TNS1: variants seen among roughly 807,000 people sequenced by gnomAD.
TNS1 encodes the protein tensin-1.
A neutral mutation model predicts 168.6 loss-of-function variants in TNS1; 62 were observed. That is an observed-to-expected ratio of 0.37 (90% CI 0.30 to 0.45). The LOEUF is 0.45. Among genes scored for constraint, TNS1 ranks in the 20% least tolerant of loss-of-function variants. The pLI, the probability that TNS1 is intolerant of heterozygous loss-of-function variation, is 1.00. For synonymous variants in TNS1, 934 were observed against 933.2 expected, an observed-to-expected ratio of 1.00 and a Z score of -0.02; for missense variants, 2,240 against 2,339.4, an observed-to-expected ratio of 0.96 and a Z score of 0.88.
intron 28 of TNS1, among the ~76,000 whole-genome samples, chr2:217,810,664 C>T (rs949740774): frequency 6.6e-6 from 1 of 152,178 alleles, no homozygotes; most frequent in Non-Finnish European, 1.5e-5. Context: ...ATAAAGCAAG[C>T]CTTCAAGTGA....
At chr2:217,849,662 C>A in intron 18 of TNS1, 2 of 985,422 alleles carry the variant, frequency 2.0e-6, no homozygotes, top group Middle Eastern at 5.2e-4. Context: ...GCCACCCCAT[C>A]TCAAAAAGTC....
intron 3 of TNS1, among the ~76,000 whole-genome samples, chr2:217,963,284 A>G (rs1329773998): frequency 2.6e-5 from 4 of 152,200 alleles, no homozygotes; most frequent in African/African-American, 9.7e-5. Context: ...TGGCCCAGGG[A>G]TAATTGGCAC....
chr2:217,932,341 C>T (rs181257674), intron 3 of TNS1, among the ~76,000 whole-genome samples: 3 of 152,314 alleles, frequency 2.0e-5, no homozygotes, highest in East Asian at 1.9e-4. Flanking sequence ...AACTTCCCTG[C>T]GTCTCAGTTT....
rs754859448 is a variant in TNS1 at position 217,812,490 on chromosome 2, C to G, written c.4955-45G>C. On this transcript the variant is annotated intron_variant, in intron 27 of 32. Transcript: ENST00000682258. ...ATGTCATGGGCAGTGATACTGGAAG[C>G]CAGAAGGGAAACCTCCACCTCTACC... 4.5e-6 allele frequency: 7 copies of G among 1,550,686 alleles called. No individual in the cohort carries two copies. The South Asian group carries it at 7.9e-5, about 17-fold the overall frequency.
intron 2 of TNS1, among the ~76,000 whole-genome samples, chr2:217,989,555 AGC>A (rs1958297848): frequency 1.3e-5 from 2 of 152,082 alleles, no homozygotes; most frequent in African/African-American, 4.8e-5. Context: ...GGGTGCAGGG[AGC>A]TCCTGCTGAT....
chr2:217,894,891 G>T, intron 9 of TNS1, 115 bp downstream of exon 9: 1 of 995,954 alleles, frequency 1.0e-6, no homozygotes, highest in Non-Finnish European at 1.5e-6. Flanking sequence ...GATATAAGTC[G>T]GCACTCTGAC....
At chr2:217,817,570 C>T (rs1574602922) in intron 24 of TNS1, 120 bp downstream of exon 24, 5 of 800,326 alleles carry the variant, frequency 6.2e-6, no homozygotes, top group East Asian at 2.6e-5. Context: ...TCCCAGAAGT[C>T]AGTGATTCAC....
At chr2:217,909,285 A>C (rs891449402) in intron 4 of TNS1, among the ~76,000 whole-genome samples, 3 of 152,092 alleles carry the variant, frequency 2.0e-5, no homozygotes, top group African/African-American at 7.2e-5. Context: ...AAGGCAGACC[A>C]CAGCGGAACT....
At chr2:218,010,272 G>C (rs775588662) in exon 1 of TNS1, 3 of 398,342 alleles carry the variant, frequency 7.5e-6, no homozygotes, top group Non-Finnish European at 1.3e-5. Context: ...AGAGTTCCGG[G>C]GTTGGGGCGG....
chr2:217,864,960 G>A (rs1037733311), intron 18 of TNS1, among the ~76,000 whole-genome samples: 2 of 152,152 alleles, frequency 1.3e-5, no homozygotes, highest in South Asian at 2.1e-4. Context: ...GCAGAGAGGT[G>A]GGTGTGTGCA....
At chr2:217,992,226 G>A (rs769402843) in intron 1 of TNS1, among the ~76,000 whole-genome samples, 3 of 152,140 alleles carry the variant, frequency 2.0e-5, no homozygotes, top group Non-Finnish European at 4.4e-5. Flanking sequence ...GTAGCAGGAG[G>A]GGGCAAGACA....
At chr2:217,839,816 G>A (rs1202635957) in intron 19 of TNS1, among the ~76,000 whole-genome samples, 3 of 152,204 alleles carry the variant, frequency 2.0e-5, no homozygotes, top group African/African-American at 7.2e-5. Flanking sequence ...CCAGGTAGCA[G>A]GGCTGGGTGT....
chr2:217,922,455 C>T (rs1276169745), intron 3 of TNS1, among the ~76,000 whole-genome samples: 1 of 152,040 alleles, frequency 6.6e-6, no homozygotes, highest in Non-Finnish European at 1.5e-5. Flanking sequence ...GCAGGGACCG[C>T]GAGCCAGGCC....
chr2:217,823,786 T>G (rs1179586127), intron 22 of TNS1, among the ~76,000 whole-genome samples: 1 of 152,178 alleles, frequency 6.6e-6, no homozygotes, highest in Non-Finnish European at 1.5e-5. Flanking sequence ...CTATTCTAGG[T>G]AGCAGGCACA....
At chr2:217,870,531 T>C (rs1052507190) in intron 18 of TNS1, among the ~76,000 whole-genome samples, 1 of 152,180 alleles carries the variant, frequency 6.6e-6, no homozygotes, top group African/African-American at 2.4e-5. Context: ...CTTGCACTTG[T>C]CTACAGGTCT....
chr2:217,875,759 T>A (rs112728510), intron 18 of TNS1, among the ~76,000 whole-genome samples: 6,213 of 152,204 alleles, frequency 0.041, 421 homozygotes, highest in African/African-American at 0.14. Context: ...GCTCCTCCCC[T>A]ACCCAGACAA....
intron 24 of TNS1, among the ~76,000 whole-genome samples, chr2:217,816,135 G>A (rs1014568541): frequency 1.2e-4 from 19 of 152,266 alleles, no homozygotes; most frequent in East Asian, 3.9e-4. Flanking sequence ...TCACACAGAT[G>A]GTGACCTTGG....
intron 2 of TNS1, among the ~76,000 whole-genome samples, chr2:217,990,640 C>G (rs1575164598): frequency 6.6e-6 from 1 of 152,366 alleles, no homozygotes; most frequent in African/African-American, 2.4e-5. Context: ...CCACATGCCA[C>G]TCACATGCCA....
At chr2:217,850,560 A>G (rs1017862658) in intron 18 of TNS1, 2 of 983,048 alleles carry the variant, frequency 2.0e-6, no homozygotes, top group Admixed American at 6.3e-5. Flanking sequence ...TACAGTCAGC[A>G]GCCCAGCCAC....
Sources: allele counts gnomAD v4.1 joint callset (sites outside exome capture counted in the v4.1 genomes callset), GRCh38; gene constraint gnomAD v4.1.1; transcripts MANE v1.5; gene names NCBI Gene and HGNC (gene_info 2026-07-23, HGNC 2026-07-21).